The following PTPRK variants were observed in gnomAD, a reference collection of about 807,000 sequenced individuals.
PTPRK encodes protein tyrosine phosphatase receptor type K.
PTPRK carries 75 observed loss-of-function variants against 178.0 expected under a neutral mutation model. That is an observed-to-expected ratio of 0.42 (90% CI 0.35 to 0.51). The LOEUF (loss-of-function observed/expected upper bound fraction) is 0.51. Among genes scored for constraint, PTPRK ranks in the 20% least tolerant of loss-of-function variants. PTPRK has a pLI of 0.02. For synonymous variants in PTPRK, 637 were observed against 620.6 expected (o/e 1.03, Z -0.39); for missense variants, 1,441 against 1,797.8 (o/e 0.80, Z 3.59).
chr6:128,394,183 T>C (rs1368805863), intron 2 of PTPRK, among the ~76,000 whole-genome samples: 2 of 152,232 alleles, frequency 1.3e-5, no homozygotes, highest in Non-Finnish European at 2.9e-5. Flanking sequence ...TCATTCATGT[T>C]ATTGTATAAA....
At chr6:128,243,058 C>T (rs1220306455) in intron 3 of PTPRK, among the ~76,000 whole-genome samples, 1 of 151,984 alleles carries the variant, frequency 6.6e-6, no homozygotes, top group Non-Finnish European at 1.5e-5. Flanking sequence ...GAGTGTCAAC[C>T]AACAGATTAT....
At chr6:128,004,471 T>C (rs144519592) in intron 15 of PTPRK, among the ~76,000 whole-genome samples, 13 of 151,840 alleles carry the variant, frequency 8.6e-5, no homozygotes, top group Middle Eastern at 3.4e-3. Context: ...AGACCAACAT[T>C]AGGAATTTTC....
At chr6:128,200,605 T>C (rs764249897) in intron 6 of PTPRK, among the ~76,000 whole-genome samples, 14 of 151,506 alleles carry the variant, frequency 9.2e-5, no homozygotes, top group Non-Finnish European at 1.8e-4. Flanking sequence ...GTGGTGGTGC[T>C]CAGCTATCGT....
intron 29 of PTPRK, among the ~76,000 whole-genome samples, chr6:127,971,950 C>T (rs764325884): frequency 1.3e-5 from 2 of 152,138 alleles, no homozygotes; most frequent in African/African-American, 4.8e-5. Flanking sequence ...ATTCATCCCC[C>T]CTTTCTCATC....
chr6:128,122,308 A>T (rs1478243619), intron 7 of PTPRK, among the ~76,000 whole-genome samples: 3 of 152,124 alleles, frequency 2.0e-5, no homozygotes, highest in African/African-American at 7.2e-5. Context: ...CTGAATAAGA[A>T]GGTAAATCAT....
At chr6:127,980,974 C>CA (rs1775277409) in intron 25 of PTPRK, 142 bp downstream of exon 25, 6 of 791,060 alleles carry the variant, frequency 7.6e-6, no homozygotes, top group South Asian at 2.5e-5. Context: ...AATCATTTTC[C>CA]AAAAAAATGT....
intron 4 of PTPRK, among the ~76,000 whole-genome samples, chr6:128,241,957 T>TC (rs1421657949): frequency 6.6e-6 from 1 of 150,504 alleles, no homozygotes; most frequent in African/African-American, 2.4e-5. Context: ...AATTTTTTTT[T>TC]TTTTTTTTTT....
chr6:128,096,373 T>G (rs554300652), intron 7 of PTPRK, among the ~76,000 whole-genome samples: 2 of 152,260 alleles, frequency 1.3e-5, no homozygotes, highest in Middle Eastern at 6.8e-3. Context: ...AGATAACAGA[T>G]AAAAGGGAAT....
chr6:128,169,169 T>A (rs1434281819), intron 7 of PTPRK, among the ~76,000 whole-genome samples: 1 of 152,048 alleles, frequency 6.6e-6, no homozygotes, highest in Non-Finnish European at 1.5e-5. Flanking sequence ...TAATATCCTA[T>A]TGTAAACTGA....
intron 7 of PTPRK, among the ~76,000 whole-genome samples, chr6:128,160,972 C>T (rs1224594335): frequency 1.3e-5 from 2 of 151,464 alleles, no homozygotes; most frequent in Non-Finnish European, 3.0e-5. Flanking sequence ...GAGTACACCT[C>T]CATCTGCTCA....
At chr6:128,268,619 T>C (rs1355159000) in intron 3 of PTPRK, among the ~76,000 whole-genome samples, 5 of 152,038 alleles carry the variant, frequency 3.3e-5, no homozygotes, top group Admixed American at 2.0e-4. Context: ...GTAATAATCA[T>C]TGTGCCCCAG....
chr6:128,092,861 A>G (rs1046279671), intron 7 of PTPRK, among the ~76,000 whole-genome samples: 3 of 152,218 alleles, frequency 2.0e-5, no homozygotes, highest in Non-Finnish European at 2.9e-5. Flanking sequence ...ATAAATAAAA[A>G]TTTAACATTT....
intron 3 of PTPRK, among the ~76,000 whole-genome samples, chr6:128,271,055 A>C (rs1007109706): frequency 8.5e-5 from 13 of 152,150 alleles, no homozygotes; most frequent in African/African-American, 3.1e-4. Context: ...GTAGCCTTGA[A>C]GGTATTAAAA....
chr6:128,131,304 G>C (rs1392720127), intron 7 of PTPRK, among the ~76,000 whole-genome samples: 1 of 152,042 alleles, frequency 6.6e-6, no homozygotes, highest in Non-Finnish European at 1.5e-5. Flanking sequence ...CTACTTCTCT[G>C]GTAGCAAAAA....
At chr6:128,258,888 G>C (rs897864875) in intron 3 of PTPRK, among the ~76,000 whole-genome samples, 1 of 152,198 alleles carries the variant, frequency 6.6e-6, no homozygotes, top group East Asian at 1.9e-4. Context: ...GAGGCAGAGA[G>C]CAGAAGACAA....
chr6:128,225,634 A>G (rs768038767), intron 5 of PTPRK, among the ~76,000 whole-genome samples: 4 of 152,340 alleles, frequency 2.6e-5, no homozygotes, highest in Non-Finnish European at 5.9e-5. Flanking sequence ...TTTTAAAAAC[A>G]TGAAAGTATT....
Position 128,338,559 on chromosome 6 carries a change from A to T in PTPRK, c.224-16249T>A, listed in dbSNP as rs190366888. On this transcript the variant is annotated intron_variant, in intron 2 of 29. Transcript: ENST00000368226. ...GTATTAAAGAACATTAGGAAGCCCA[A>T]ATAATAACTCAAGTATATCCACCAG... Among the ~76,000 whole-genome samples the T allele has an allele frequency of 2.6e-5, 4 of 152,314 alleles. No homozygotes were observed. The East Asian group carries it at 7.7e-4, about 29-fold the overall frequency.
rs73773979 is a variant in PTPRK at position 127,984,444 on chromosome 6, G to A, written c.3252-1067C>T. Among the ~76,000 whole-genome samples, 590 of 152,240 alleles carry A rather than the reference G, an allele frequency of 3.9e-3. 2 individuals are homozygous for A. The highest frequency in any genetic ancestry group is 0.014 in the African/African-American group (570 of 41,552). On this transcript the variant is annotated intron_variant, in intron 22 of 29. Coordinates refer to ENST00000368226, the MANE Select transcript of PTPRK (RefSeq NM_002844.4). ...AAGTCAATGGGGAAAACAAAATAAG[G>A]ATTTTTTGCGGGGAGTGGGGAATTC...
intron 3 of PTPRK, among the ~76,000 whole-genome samples, chr6:128,250,642 T>C (rs1234140556): frequency 6.6e-6 from 1 of 152,222 alleles, no homozygotes; most frequent in East Asian, 1.9e-4. Context: ...TCCCAAGCTA[T>C]ATTAGAAATC....
Sources: gnomAD v4.1 joint callset for allele counts (sites outside exome capture counted in the v4.1 genomes callset) on GRCh38, gnomAD v4.1.1 for gene constraint, MANE v1.5 for transcripts, NCBI Gene and HGNC (gene_info 2026-07-23, HGNC 2026-07-21) for gene names.